The following BRINP1 variants were observed in gnomAD, a reference collection of about 807,000 sequenced individuals.
BRINP1 encodes BMP/retinoic acid-inducible neural-specific protein 1.
BRINP1 carries 17 observed loss-of-function variants against 72.9 expected under a neutral mutation model. The ratio of observed to expected loss-of-function variants is 0.23; its 90% CI spans 0.16 to 0.35. The LOEUF (loss-of-function observed/expected upper bound fraction) is 0.35. BRINP1 is among the 10% of genes least tolerant of loss of function. The pLI is 1.00. For missense variants in BRINP1, 850 were observed against 1,001.6 expected, an observed-to-expected ratio of 0.85 and a Z score of 2.04; for synonymous variants, 418 against 378.5, an observed-to-expected ratio of 1.10 and a Z score of -1.21.
At chr9:119,199,679 C>A (rs953864288) in intron 7 of BRINP1, among the ~76,000 whole-genome samples, 3 of 152,102 alleles carry the variant, frequency 2.0e-5, no homozygotes, top group Non-Finnish European at 4.4e-5. Context: ...TTTAAAAAAA[C>A]CCAGGTGATA....
At position 119,281,557 on chromosome 9, in the gene BRINP1, C is replaced by T. The variant is rs184402272; in HGVS notation, c.218+31581G>A. Among the ~76,000 whole-genome samples, 6 of 152,130 alleles carry T rather than the reference C, an allele frequency of 3.9e-5. No individual in the cohort carries two copies. In the East Asian group the frequency reaches 5.8e-4, roughly 15 times the overall value. ...ATGGTATCATAGGATTCTCTATGGGCGAGTGAGAACAAGTCAGCATTGTCA... is the reference window on the plus strand; with the variant it reads ...ATGGTATCATAGGATTCTCTATGGGTGAGTGAGAACAAGTCAGCATTGTCA... On this transcript the variant is annotated intron_variant, in intron 2 of 7. Transcript: ENST00000265922.
At chr9:119,342,878 G>T (rs1255979441) in intron 1 of BRINP1, among the ~76,000 whole-genome samples, 2 of 152,110 alleles carry the variant, frequency 1.3e-5, no homozygotes, top group Non-Finnish European at 2.9e-5. Context: ...CTGGAACTGA[G>T]GCATCCCCCA....
intron 2 of BRINP1, among the ~76,000 whole-genome samples, chr9:119,267,979 A>AT (rs1016606933): frequency 2.0e-5 from 3 of 152,182 alleles, no homozygotes; most frequent in African/African-American, 7.2e-5. Context: ...GCAGTGGCTC[A>AT]TATCTGTAAT....
intron 2 of BRINP1, among the ~76,000 whole-genome samples, chr9:119,265,326 A>G (rs1225262799): frequency 6.6e-6 from 1 of 151,812 alleles, no homozygotes. Flanking sequence ...AAGGCCAGGC[A>G]TGGTGGCTCA....
rs1191459528 is a variant in BRINP1 at position 119,213,606 on chromosome 9, A to C, written c.922+313T>G. 8 of 548,148 alleles carry C rather than the reference A, an allele frequency of 1.5e-5. No homozygotes were observed. The East Asian group carries it at 2.4e-4, about 16-fold the overall frequency. 34.0% of individuals were successfully genotyped at this position (548,148 alleles called of 1,614,324 possible). ...CACACATACACAGCCCAAGGAATCA[A>C]TACAACTACCTCTGACTCTTCCCTC... is the stretch of plus-strand genomic sequence containing the variant. On this transcript the variant is annotated intron_variant, in intron 6 of 7. Coordinates refer to ENST00000265922, the MANE Select transcript of BRINP1 (RefSeq NM_014618.3).
chr9:119,260,673 A>G (rs1012783423), intron 2 of BRINP1, among the ~76,000 whole-genome samples: 2 of 152,198 alleles, frequency 1.3e-5, no homozygotes, highest in Non-Finnish European at 2.9e-5. Flanking sequence ...CCTGAATAAC[A>G]CACTCGTTAT....
intron 5 of BRINP1, 61 bp from the exon 6 acceptor site, chr9:119,214,216 A>C: frequency 7.9e-7 from 1 of 1,270,582 alleles, no homozygotes; most frequent in South Asian, 1.3e-5. Flanking sequence ...TTCATTAACA[A>C]TTTCCAAAGG....
chr9:119,317,392 G>A (rs1358442267), intron 1 of BRINP1, among the ~76,000 whole-genome samples: 1 of 152,218 alleles, frequency 6.6e-6, no homozygotes, highest in African/African-American at 2.4e-5. Context: ...ATTAGAAGTA[G>A]AGCCTGAGGA....
chr9:119,213,882 G>A (rs770323186), intron 6 of BRINP1, 37 bp downstream of exon 6: 1 of 1,552,540 alleles, frequency 6.4e-7, no homozygotes, highest in Non-Finnish European at 8.9e-7. Flanking sequence ...CTTGGCTCAA[G>A]GCCACTCATG....
At chr9:119,248,781 C>T (rs1295277022) in intron 3 of BRINP1, among the ~76,000 whole-genome samples, 179 bp downstream of exon 3, 2 of 152,184 alleles carry the variant, frequency 1.3e-5, no homozygotes, top group Non-Finnish European at 2.9e-5. Flanking sequence ...AACTGAATCA[C>T]CTCCTCGGAT....
intron 2 of BRINP1, among the ~76,000 whole-genome samples, chr9:119,288,323 A>G (rs1315383294): frequency 6.6e-6 from 1 of 151,312 alleles, no homozygotes; most frequent in East Asian, 1.9e-4. Flanking sequence ...CAATAGTCAC[A>G]ACTAGGTACT....
intron 1 of BRINP1, among the ~76,000 whole-genome samples, chr9:119,345,968 AG>A (rs1831447412): frequency 6.6e-6 from 1 of 152,156 alleles, no homozygotes; most frequent in Non-Finnish European, 1.5e-5. Context: ...TTGCACAGCT[AG>A]TTAGAGGGGA....
At chr9:119,197,145 CAG>C (rs1829747153) in intron 7 of BRINP1, among the ~76,000 whole-genome samples, 1 of 152,176 alleles carries the variant, frequency 6.6e-6, no homozygotes, top group Non-Finnish European at 1.5e-5. Flanking sequence ...AAAAATGAAA[CAG>C]AAGATGCAGT....
intron 1 of BRINP1, among the ~76,000 whole-genome samples, chr9:119,325,786 CCT>C (rs983743228): frequency 2.0e-5 from 3 of 152,134 alleles, no homozygotes; most frequent in African/African-American, 7.2e-5. Context: ...TTGTTTTACC[CCT>C]TAGTCTTGCC....
At chr9:119,309,854 T>C (rs1831042737) in intron 2 of BRINP1, among the ~76,000 whole-genome samples, 1 of 152,086 alleles carries the variant, frequency 6.6e-6, no homozygotes, top group South Asian at 2.1e-4. Flanking sequence ...ATCTATTGGG[T>C]TTTTTTGGTC....
rs760851667 is a variant in BRINP1, at chr9:119,167,057, G to A, written c.*27C>T. ...TTCTGTTGTGTGTGTACAACAACAGGAAAAGTCCATGGCAAGGAGTCCCGG... is the reference window on the plus strand; with the variant it reads ...TTCTGTTGTGTGTGTACAACAACAGAAAAAGTCCATGGCAAGGAGTCCCGG... On this transcript the variant is annotated 3_prime_UTR_variant, in exon 8 of 8. Transcript: ENST00000265922. The surrounding 1 kb of genome is among the most constrained non-coding windows in gnomAD (Gnocchi z 4.3). 2.6e-6 allele frequency: 4 copies of A among 1,564,380 alleles called. No individual in the cohort carries two copies. The highest frequency in any genetic ancestry group is 3.6e-5 in the Admixed American group (2 of 55,716).
intron 1 of BRINP1, among the ~76,000 whole-genome samples, chr9:119,316,068 T>C (rs1305380722): frequency 6.6e-6 from 1 of 152,168 alleles, no homozygotes; most frequent in Admixed American, 6.5e-5. Flanking sequence ...TTGATGAAGA[T>C]GGCTACCCTA....
chr9:119,321,198 T>C (rs1162953253), intron 1 of BRINP1, among the ~76,000 whole-genome samples: 1 of 152,202 alleles, frequency 6.6e-6, no homozygotes, highest in African/African-American at 2.4e-5. Flanking sequence ...CCCAAAGTGC[T>C]GGGATTACAG....
intron 2 of BRINP1, among the ~76,000 whole-genome samples, chr9:119,295,137 T>G (rs1474715643): frequency 6.6e-6 from 1 of 151,812 alleles, no homozygotes; most frequent in Non-Finnish European, 1.5e-5. Context: ...ATGATAGGAA[T>G]GCATTATTTT....
Sources: gnomAD v4.1 joint callset for allele counts (sites outside exome capture counted in the v4.1 genomes callset) on GRCh38, gnomAD v4.1.1 for gene constraint, Gnocchi (gnomAD v3.1) non-coding constraint, MANE v1.5 for transcripts, NCBI Gene and HGNC (gene_info 2026-07-23, HGNC 2026-07-21) for gene names.